GIGYF1: variants seen among roughly 807,000 people sequenced by gnomAD.
GIGYF1 encodes GRB10-interacting GYF protein 1.
Under a neutral mutation model 147.1 loss-of-function variants are expected in GIGYF1, and 84 were observed. The observed-to-expected ratio is 0.57, with a 90% confidence interval of 0.48 to 0.68. The LOEUF (loss-of-function observed/expected upper bound fraction) is 0.68. Among genes scored for constraint, GIGYF1 ranks in the 30% least tolerant of loss-of-function variants. The pLI is 0.00. For missense variants in GIGYF1, 1,485 were observed against 1,393.7 expected, an observed-to-expected ratio of 1.07 and a Z score of -1.04; for synonymous variants, 752 against 589.5, an observed-to-expected ratio of 1.28 and a Z score of -3.99.
chr7:100,681,437 G>A lies in GIGYF1; in HGVS notation c.*282C>T, dbSNP rs980519244. 6 of 348,446 alleles carry A rather than the reference G, an allele frequency of 1.7e-5. No homozygotes were observed. Among genetic ancestry groups the A allele is most frequent in the African/African-American group, 1.1e-4 (5 of 47,248 alleles). The allele number at this position is 348,446 out of a possible 1,614,324, so 21.6% of individuals were successfully genotyped here. A position where few individuals can be genotyped will look rare whatever the true frequency, so the allele number is the denominator to read the frequency against. On this transcript the variant is annotated 3_prime_UTR_variant, in exon 27 of 27. Transcript: ENST00000678049. ...ACCCACTATCCTCACAGCAGGAAGG[G>A]GTGTTTAGAGTCTAGTTTTTAACAA... is the stretch of plus-strand genomic sequence containing the variant.
intron 10 of GIGYF1, 66 bp from the exon 11 acceptor site, chr7:100,686,499 G>T: frequency 6.5e-7 from 1 of 1,527,068 alleles, no homozygotes. Context: ...CCCCTCTGCT[G>T]CAGCTCACGG....
chr7:100,685,197 T>C (rs775453083), intron 13 of GIGYF1, 51 bp from the exon 14 acceptor site: 18 of 1,523,902 alleles, frequency 1.2e-5, no homozygotes, highest in South Asian at 2.4e-5. Context: ...GGAGACAAGA[T>C]AGCTTTCGCC....
chr7:100,686,196 G>T lies in GIGYF1; in HGVS notation c.932C>A (p.Ala311Asp). The stretch of plus-strand genomic sequence containing the variant: ...CACAGATACCTTGAGAGGCAAGAAG[G>T]CCCCAGAGGCATCAAAGGTGCCCAT... ...EEMGTFDASG[A>D]FLPLKKGPKE... The change falls in exon 11 of 27, where the codon GCC becomes GAC. Residue 311 changes from alanine (A) to aspartate (D), a missense_variant. Ala to Asp is a moderately radical substitution (Grantham distance 126, BLOSUM62 -2). Transcript: ENST00000678049. 1 of 1,611,296 alleles carries T rather than the reference G, an allele frequency of 6.2e-7. No homozygotes were observed. The highest frequency in any genetic ancestry group is 8.5e-7 in the Non-Finnish European group (1 of 1,178,532).
chr7:100,690,806 A>T (rs1371460584), intron 1 of GIGYF1, among the ~76,000 whole-genome samples: 1 of 129,356 alleles, frequency 7.7e-6, no homozygotes, highest in Non-Finnish European at 1.6e-5. Flanking sequence ...AAAAAAATTT[A>T]AAGCGATGGC....
rs1199797956 is a variant in GIGYF1, at chr7:100,686,010, G to A, written c.1018C>T (p.Pro340Ser). ...DFQGLEEEEE[P>S]SEGLEEEGPE... ...CCTTCCTCCTCTAGCCCTTCGGAAG[G>A]TTCCTCCTCCTCCTCCAACCCTTGG... is the stretch of plus-strand genomic sequence containing the variant. Residue 340 changes from proline (P) to serine (S), a missense_variant, in exon 12 of 27, where the codon CCT becomes TCT. Coordinates refer to ENST00000678049, the MANE Select transcript of GIGYF1 (RefSeq NM_001375765.1). 3.7e-6 allele frequency: 6 copies of A among 1,612,682 alleles called. No individual in the cohort carries two copies. The highest frequency in any genetic ancestry group is 4.2e-6 in the Non-Finnish European group (5 of 1,179,938).
In GIGYF1 at chr7:100,683,241, G is replaced by T. The variant is rs369031943; in HGVS notation, c.2194-11C>A. 54 of 1,612,774 alleles carry T rather than the reference G, an allele frequency of 3.3e-5. No individual in the cohort carries two copies. The African/African-American group carries it at 6.0e-4, about 18-fold the overall frequency. ...CTCCTGCTGCCGCACCTAAGAGGGG[G>T]ACATGGTGAGGGGACCTGGCGAGGG... On this transcript the variant is annotated splice_polypyrimidine_tract_variant and intron_variant, in intron 21 of 26. Coordinates refer to ENST00000678049, the MANE Select transcript of GIGYF1 (RefSeq NM_001375765.1).
chr7:100,681,599 T>C lies in GIGYF1; in HGVS notation c.*120A>G. The C allele has an allele frequency of 2.3e-6, 2 of 857,292 alleles. No homozygotes were observed. The highest frequency in any genetic ancestry group is 3.4e-6 in the Non-Finnish European group (2 of 582,926). The allele number at this position is 857,292 out of a possible 1,614,324, so 53.1% of individuals were successfully genotyped here. ...TGCATCGTGTGTTTGTAACAAGTGC[T>C]GGGGACCCCGCCCCTGCCTCTTCCT... On this transcript the variant is annotated 3_prime_UTR_variant, in exon 27 of 27. Transcript: ENST00000678049.
rs1805321650 is a variant in GIGYF1, at chr7:100,686,196, G to A, written c.932C>T (p.Ala311Val). The A allele has an allele frequency of 6.2e-7, 1 of 1,611,296 alleles. No individual in the cohort carries two copies. The highest frequency in any genetic ancestry group is 8.5e-7 in the Non-Finnish European group (1 of 1,178,532). Residue 311 changes from alanine to valine, a missense_variant, in exon 11 of 27, where the codon GCC becomes GTC. Physicochemically the swap from Ala to Val is moderately conservative, Grantham distance 64. Transcript: ENST00000678049. ...CACAGATACCTTGAGAGGCAAGAAGGCCCCAGAGGCATCAAAGGTGCCCAT... is the reference window on the plus strand; with the variant it reads ...CACAGATACCTTGAGAGGCAAGAAGACCCCAGAGGCATCAAAGGTGCCCAT... ...EEMGTFDASG[A>V]FLPLKKGPKE... is the part of the protein sequence containing the mutation.
At position 100,682,249 on chromosome 7, in the gene GIGYF1, G is replaced by A. The variant is rs756195979; in HGVS notation, c.2762-14C>T. 8.7e-6 allele frequency: 14 copies of A among 1,609,114 alleles called. No homozygotes were observed. In the East Asian group the frequency reaches 8.9e-5, roughly 10 times the overall value. ...CAGCCATGGGCACTGCAGGATGAGC[G>A]AAGGCTGTCAGGGCCCCCTGGCCGG... On this transcript the variant is annotated splice_polypyrimidine_tract_variant and intron_variant, in intron 24 of 26. Coordinates refer to ENST00000678049, the MANE Select transcript of GIGYF1 (RefSeq NM_001375765.1).
Position 100,683,633 on chromosome 7 carries a change from C to A in GIGYF1, c.1970-1G>T, listed in dbSNP as rs1805014259. 1 of 1,613,936 alleles carries A rather than the reference C, an allele frequency of 6.2e-7. No homozygotes were observed. The highest frequency in any genetic ancestry group is 8.5e-7 in the Non-Finnish European group (1 of 1,179,872). On this transcript the variant is annotated splice_acceptor_variant, in intron 19 of 26. Coordinates refer to ENST00000678049, the MANE Select transcript of GIGYF1 (RefSeq NM_001375765.1). LOFTEE classifies it high-confidence loss of function. ...ATGTCCCAAAGACTGGCCTCACCAC[C>A]TGCAGGGGGCAGGGGGGCAGAGGCG...
chr7:100,682,745 G>A lies in GIGYF1; in HGVS notation c.2445C>T (p.Asn815=). 1.9e-6 allele frequency: 3 copies of A among 1,543,542 alleles called. No individual in the cohort carries two copies. Among genetic ancestry groups the A allele is most frequent in the Non-Finnish European group, 2.6e-6 (3 of 1,146,902 alleles). Residue 815 remains asparagine (N), a synonymous_variant, in exon 23 of 27, where the codon AAC becomes AAT. Transcript: ENST00000678049. ...QLGGLGTAPL[N]QWVSEAGPLW... ...GTGGCCCAGCCTCAGACACCCACTG[G>A]TTCAGGGGGGCAGTGCCCAGGCCCC...
intron 21 of GIGYF1, 25 bp downstream of exon 21, chr7:100,683,279 C>A (rs1269286941): frequency 1.2e-6 from 2 of 1,613,608 alleles, no homozygotes. Context: ...GTCCACCCAG[C>A]CAGCTGAGGC....
chr7:100,690,407 C>A (rs1015195153), intron 1 of GIGYF1, among the ~76,000 whole-genome samples: 1 of 152,148 alleles, frequency 6.6e-6, no homozygotes, highest in Non-Finnish European at 1.5e-5. Flanking sequence ...CTGTGGGAGG[C>A]TTGAAGAGAG....
chr7:100,691,878 A>G (rs1805857265), intron 1 of GIGYF1, among the ~76,000 whole-genome samples: 1 of 152,252 alleles, frequency 6.6e-6, no homozygotes, highest in Non-Finnish European at 1.5e-5. Flanking sequence ...GTGCTCCAGT[A>G]GGCGCCAGGG....
intron 17 of GIGYF1, 31 bp from the exon 18 acceptor site, chr7:100,684,188 A>G: frequency 6.2e-7 from 1 of 1,609,214 alleles, no homozygotes; most frequent in Non-Finnish European, 8.5e-7. Flanking sequence ...ATGGTGGGCC[A>G]CAGAGCCAGC....
Position 100,682,178 on chromosome 7 carries a change from T to C in GIGYF1, c.2819A>G (p.Tyr940Cys). 1.9e-6 allele frequency: 3 copies of C among 1,613,858 alleles called. No homozygotes were observed. Among genetic ancestry groups the C allele is most frequent in the South Asian group, 1.1e-5 (1 of 91,082 alleles). ...EVESPYDVHD[Y>C]IRSCLGDTLE... The stretch of plus-strand genomic sequence containing the variant: ...CGTGTCCCCCAGGCAGGAACGGATA[T>C]AATCGTGGACATCATAGGGGGATTC... Residue 940 changes from tyrosine (Y) to cysteine (C), a missense_variant, in exon 25 of 27, where the codon TAT becomes TGT. Tyr to Cys is a radical substitution (Grantham distance 194). Transcript: ENST00000678049.
rs758622198 is a variant in GIGYF1, at chr7:100,685,528, C to T, written c.1055-47G>A. On this transcript the variant is annotated intron_variant, in intron 12 of 26. Transcript: ENST00000678049. ...AGTTCAGAACCAAGGGCTGGGCCTG[C>T]CACGCGAGTTAGCACAAGCCCTTGA... The T allele has an allele frequency of 8.9e-6, 14 of 1,579,840 alleles. No individual in the cohort carries two copies. The Admixed American group carries it at 2.9e-4, about 33-fold the overall frequency.
At chr7:100,691,506 A>ACTTTTTT (rs1554386754) in intron 1 of GIGYF1, among the ~76,000 whole-genome samples, 1 of 147,620 alleles carries the variant, frequency 6.8e-6, no homozygotes, top group Non-Finnish European at 1.5e-5. Flanking sequence ...AAAAGAATAG[A>ACTTTTTT]TTTTTTTTTT....
chr7:100,681,521 A>T lies in GIGYF1; in HGVS notation c.*198T>A. On this transcript the variant is annotated 3_prime_UTR_variant, in exon 27 of 27. Transcript: ENST00000678049. ...TTTAAAATTAAAAAAAAAAATAAAA[A>T]GAAAAACCCCCTCCCCCAGTCTGTA... 1 of 421,738 alleles carries T rather than the reference A, an allele frequency of 2.4e-6. No homozygotes were observed. The highest frequency in any genetic ancestry group is 4.1e-6 in the Non-Finnish European group (1 of 241,386). 26.1% of individuals were successfully genotyped at this position (421,738 alleles called of 1,614,324 possible).
Sources: allele counts gnomAD v4.1 joint callset (sites outside exome capture counted in the v4.1 genomes callset), GRCh38; gene constraint gnomAD v4.1.1; transcripts MANE v1.5; gene names NCBI Gene and HGNC (gene_info 2026-07-23, HGNC 2026-07-21).